Variants in SH3KBP1 observed in about 807,000 individuals in gnomAD.
SH3KBP1 encodes SH3 domain-containing kinase-binding protein 1.
SH3KBP1 carries 8 observed loss-of-function variants against 50.1 expected under a neutral mutation model. That is an observed-to-expected ratio of 0.16 (90% CI 0.09 to 0.29). The LOEUF is 0.29. Ranked by LOEUF, SH3KBP1 falls within the 10% of genes least tolerant of loss-of-function variation. The pLI is 1.00. For missense variants in SH3KBP1, 377 were observed against 535.2 expected (o/e 0.70, Z 2.92); for synonymous variants, 227 against 218.6 (o/e 1.04, Z -0.34).
chrX:19,867,131 G>A (rs898870902), intron 1 of SH3KBP1, among the ~76,000 whole-genome samples: 5 of 111,678 alleles, frequency 4.5e-5, no homozygotes, highest in East Asian at 2.8e-4. Context: ...TAGTGATACC[G>A]GCATAGACAA....
intron 2 of SH3KBP1, among the ~76,000 whole-genome samples, chrX:19,818,570 C>G (rs184000556): frequency 2.5e-4 from 28 of 111,648 alleles, no homozygotes; most frequent in African/African-American, 8.5e-4. Flanking sequence ...TGTAGATGCT[C>G]TTTATCAAGT....
intron 4 of SH3KBP1, among the ~76,000 whole-genome samples, chrX:19,702,657 A>T (rs777463300): frequency 3.8e-5 from 4 of 104,994 alleles, no homozygotes; most frequent in Admixed American, 1.0e-4. Flanking sequence ...AATGCACTTT[A>T]AAAAAAAAAC....
At chrX:19,807,492 G>A (rs1221144492) in intron 2 of SH3KBP1, among the ~76,000 whole-genome samples, 4 of 110,594 alleles carry the variant, frequency 3.6e-5, no homozygotes, top group Non-Finnish European at 7.6e-5. Flanking sequence ...CATCATTCAC[G>A]TGTGGGCTCC....
intron 2 of SH3KBP1, among the ~76,000 whole-genome samples, chrX:19,779,373 C>T (rs1482995559): frequency 5.6e-5 from 6 of 107,957 alleles, no homozygotes; most frequent in African/African-American, 2.0e-4. Context: ...ATTGGGGGTT[C>T]ACATTTCCTA....
intron 9 of SH3KBP1, among the ~76,000 whole-genome samples, chrX:19,606,735 G>T (rs1445882752): frequency 9.0e-6 from 1 of 111,612 alleles, no homozygotes; most frequent in African/African-American, 3.3e-5. Flanking sequence ...TCTGGGGTGG[G>T]GTCTGAGCAT....
At chrX:19,660,619 C>T (rs1180141050) in intron 6 of SH3KBP1, among the ~76,000 whole-genome samples, 1 of 111,722 alleles carries the variant, frequency 9.0e-6, no homozygotes, top group Non-Finnish European at 1.9e-5. Flanking sequence ...GAAGACCATC[C>T]CAGGAGCCCC....
intron 12 of SH3KBP1, among the ~76,000 whole-genome samples, chrX:19,583,790 AATAT>A (rs935232655): frequency 9.6e-6 from 1 of 104,342 alleles, no homozygotes; most frequent in Non-Finnish European, 1.9e-5. Flanking sequence ...TGCTATTAAT[AATAT>A]ATATTATTTA....
intron 12 of SH3KBP1, among the ~76,000 whole-genome samples, chrX:19,575,908 C>T (rs1369597509): frequency 8.9e-6 from 1 of 111,739 alleles, no homozygotes; most frequent in Non-Finnish European, 1.9e-5. Flanking sequence ...CCAGTCTGCC[C>T]AGCATGTGGG....
intron 15 of SH3KBP1, among the ~76,000 whole-genome samples, chrX:19,544,868 A>C (rs1229094698): frequency 9.0e-6 from 1 of 111,675 alleles, no homozygotes; most frequent in Non-Finnish European, 1.9e-5. Context: ...CATCAGAACC[A>C]CGAAAACCCA....
chrX:19,769,532 T>C lies in SH3KBP1; in HGVS notation c.163-23091A>G, dbSNP rs116678695. Among the ~76,000 whole-genome samples the C allele has an allele frequency of 5.9e-3, 657 of 111,381 alleles. 7 individuals are homozygous for C. Among genetic ancestry groups the C allele is most frequent in the African/African-American group, 0.019 (596 of 30,632 alleles). The stretch of plus-strand genomic sequence containing the variant: ...TTCTGTCTTAACTACCTTCCAGCCA[T>C]GACTTTACTCATGATATAACATACT... On this transcript the variant is annotated intron_variant, in intron 2 of 17. Coordinates refer to ENST00000397821, the MANE Select transcript of SH3KBP1 (RefSeq NM_031892.3).
At chrX:19,628,722 T>C (rs1231979936) in intron 8 of SH3KBP1, among the ~76,000 whole-genome samples, 2 of 111,300 alleles carry the variant, frequency 1.8e-5, no homozygotes, top group Admixed American at 1.9e-4. Context: ...AGCAGCAAGC[T>C]CTAAAATGGG....
intron 12 of SH3KBP1, among the ~76,000 whole-genome samples, chrX:19,586,481 A>G (rs937846165): frequency 2.7e-5 from 3 of 112,296 alleles, no homozygotes; most frequent in Non-Finnish European, 3.8e-5. Context: ...TTTGGTTTAA[A>G]TAAGTTTTTT....
chrX:19,624,712 C>T (rs1246904031), intron 8 of SH3KBP1, among the ~76,000 whole-genome samples: 1 of 112,267 alleles, frequency 8.9e-6, no homozygotes, highest in Admixed American at 9.4e-5. Flanking sequence ...AATTATACTC[C>T]TTTGGGTTTT....
In SH3KBP1 at chrX:19,666,295, T is replaced by C. The variant is rs1030070369; in HGVS notation, c.726+17528A>G. Among the ~76,000 whole-genome samples, 5 of 111,318 alleles carry C rather than the reference T, an allele frequency of 4.5e-5. No homozygotes were observed. The Admixed American group carries it at 4.8e-4, about 11-fold the overall frequency. ...GTTGCACAAAAGATAAATTCATCTT[T>C]TTTCGAGAGAACTGTTTTAAATCTA... On this transcript the variant is annotated intron_variant, in intron 6 of 17. Coordinates refer to ENST00000397821, the MANE Select transcript of SH3KBP1 (RefSeq NM_031892.3).
intron 6 of SH3KBP1, among the ~76,000 whole-genome samples, chrX:19,656,069 T>G (rs768504369): frequency 9.0e-6 from 1 of 111,329 alleles, no homozygotes; most frequent in Non-Finnish European, 1.9e-5. Flanking sequence ...GGCAGGTATG[T>G]GTGCAGGGAA....
At chrX:19,716,838 C>T (rs932237457) in intron 3 of SH3KBP1, among the ~76,000 whole-genome samples, 4 of 111,102 alleles carry the variant, frequency 3.6e-5, no homozygotes, top group African/African-American at 1.3e-4. Flanking sequence ...TGGTCTTCAG[C>T]CCTCTTCTTC....
At chrX:19,560,308 A>G (rs181868169) in intron 13 of SH3KBP1, among the ~76,000 whole-genome samples, 401 of 111,440 alleles carry the variant, frequency 3.6e-3, no homozygotes, top group African/African-American at 0.012. Flanking sequence ...AAAATGAAGT[A>G]AAGAGACAAA....
chrX:19,786,121 A>T (rs1603241322), intron 2 of SH3KBP1, among the ~76,000 whole-genome samples: 1 of 112,253 alleles, frequency 8.9e-6, no homozygotes, highest in African/African-American at 3.2e-5. Context: ...AAGTAAAATC[A>T]AATGAGTTTA....
In SH3KBP1 at chrX:19,541,968, G is replaced by A. The variant is rs753630261; in HGVS notation, c.1849C>T (p.Arg617Cys). 2.5e-6 allele frequency: 3 copies of A among 1,211,535 alleles called. No individual in the cohort carries two copies. The highest frequency in any genetic ancestry group is 1.7e-5 in the African/African-American group (1 of 57,820). Residue 617 changes from arginine to cysteine, a missense_variant, in exon 16 of 18, where the codon CGC becomes TGC. By Grantham distance (180) the Arg-to-Cys change is radical (BLOSUM62 -3). Coordinates refer to ENST00000397821, the MANE Select transcript of SH3KBP1 (RefSeq NM_031892.3). The stretch of plus-strand genomic sequence containing the variant: ...GTCTCGATGATGCTCCTCAGCTCGC[G>A]GACCTGTGTCCTTAGCTCCTCCACG... ...AAVEELRTQV[R>C]ELRSIIETMK...
Sources: allele counts gnomAD v4.1 joint callset (sites outside exome capture counted in the v4.1 genomes callset), GRCh38; gene constraint gnomAD v4.1.1; transcripts MANE v1.5; gene names NCBI Gene and HGNC (gene_info 2026-07-23, HGNC 2026-07-21).